Variants in PGBD5 observed in about 807,000 individuals in gnomAD.
PGBD5 encodes piggyBac transposable element derived 5.
A neutral mutation model predicts 47.9 loss-of-function variants in PGBD5; 14 were observed. That is an observed-to-expected ratio of 0.29 (90% CI 0.19 to 0.46). The LOEUF (loss-of-function observed/expected upper bound fraction) is 0.46, where lower values mean the gene tolerates loss of function less well. PGBD5 is among the 20% of genes least tolerant of loss of function. The pLI, the probability that PGBD5 is intolerant of heterozygous loss-of-function variation, is 1.00. For missense variants in PGBD5, 635 were observed against 716.0 expected (o/e 0.89, Z 1.29); for synonymous variants, 316 against 306.3 (o/e 1.03, Z -0.33).
chr1:230,373,626 G>A (rs1329794882), intron 1 of PGBD5, among the ~76,000 whole-genome samples: 1 of 152,208 alleles, frequency 6.6e-6, no homozygotes, highest in Non-Finnish European at 1.5e-5. Flanking sequence ...TTTTTAAGGT[G>A]AAATATGACT....
At chr1:230,344,536 C>T (rs754226570) in intron 3 of PGBD5, among the ~76,000 whole-genome samples, 6 of 152,204 alleles carry the variant, frequency 3.9e-5, no homozygotes, top group Non-Finnish European at 7.3e-5. Context: ...GTCATTCTTT[C>T]CTGAACGCCA....
chr1:230,407,316 T>G (rs907606342), intron 1 of PGBD5, among the ~76,000 whole-genome samples: 6 of 152,242 alleles, frequency 3.9e-5, no homozygotes, highest in Non-Finnish European at 7.3e-5. Context: ...ATGATTATCA[T>G]GAACAAATTA....
At chr1:230,399,995 T>TA (rs925027983) in intron 1 of PGBD5, among the ~76,000 whole-genome samples, 8 of 152,236 alleles carry the variant, frequency 5.3e-5, no homozygotes, top group African/African-American at 1.9e-4. Context: ...CTTTAAAACT[T>TA]ACACAGGGCT....
chr1:230,389,002 A>C (rs1558208049), intron 1 of PGBD5, among the ~76,000 whole-genome samples: 2 of 152,152 alleles, frequency 1.3e-5, no homozygotes. Context: ...CACCAGCCCC[A>C]ATGCCCTGGG....
At chr1:230,340,881 A>G (rs1362905081) in intron 3 of PGBD5, among the ~76,000 whole-genome samples, 1 of 152,126 alleles carries the variant, frequency 6.6e-6, no homozygotes. Context: ...CCTCGTGTCC[A>G]CACATGCACC....
At chr1:230,423,088 C>T (rs757131122) in intron 1 of PGBD5, among the ~76,000 whole-genome samples, 1 of 151,788 alleles carries the variant, frequency 6.6e-6, no homozygotes, top group African/African-American at 2.4e-5. Flanking sequence ...CAGTTACATA[C>T]ACACATTTAC....
intron 4 of PGBD5, 59 bp downstream of exon 4, chr1:230,337,049 C>G: frequency 6.4e-7 from 1 of 1,573,416 alleles, no homozygotes; most frequent in Non-Finnish European, 8.7e-7. Context: ...CTGGACCTCT[C>G]CCACCACTTT....
intron 4 of PGBD5, among the ~76,000 whole-genome samples, chr1:230,334,446 C>T (rs1667270193): frequency 6.6e-6 from 1 of 152,250 alleles, no homozygotes; most frequent in South Asian, 2.1e-4. Context: ...TCCAGCAGCA[C>T]TCAAGTTTCC....
At chr1:230,329,122 T>TGG (rs77950968) in intron 5 of PGBD5, among the ~76,000 whole-genome samples, 1,973 of 150,674 alleles carry the variant, frequency 0.013, 112 homozygotes, top group Admixed American at 0.085. Flanking sequence ...AATTTTTTTT[T>TGG]GGGGGGGGAG....
intron 3 of PGBD5, among the ~76,000 whole-genome samples, chr1:230,349,793 G>A (rs1162929667): frequency 6.6e-6 from 1 of 152,196 alleles, no homozygotes; most frequent in Non-Finnish European, 1.5e-5. Context: ...AAGGAGCTGA[G>A]GCTGCACCTC....
chr1:230,390,895 A>G (rs1656766585), intron 1 of PGBD5, among the ~76,000 whole-genome samples: 1 of 152,132 alleles, frequency 6.6e-6, no homozygotes, highest in Non-Finnish European at 1.5e-5. Flanking sequence ...ACGCACCACC[A>G]CAGCCAGCTA....
chr1:230,401,689 G>C (rs781439298), intron 1 of PGBD5, among the ~76,000 whole-genome samples: 15 of 152,288 alleles, frequency 9.8e-5, no homozygotes, highest in African/African-American at 3.6e-4. Flanking sequence ...TCTGCTGCCC[G>C]GCCTTTCCCC....
chr1:230,370,662 G>T (rs1667914908), intron 1 of PGBD5, among the ~76,000 whole-genome samples: 2 of 152,212 alleles, frequency 1.3e-5, no homozygotes, highest in African/African-American at 4.8e-5. Flanking sequence ...CACAGAACTA[G>T]TAAGTGGTAG....
intron 1 of PGBD5, chr1:230,377,585 T>C (rs1668033567): frequency 6.3e-7 from 1 of 1,593,010 alleles, no homozygotes; most frequent in South Asian, 1.1e-5. Flanking sequence ...CCGAGAGTAC[T>C]TTGCACGAAG....
Position 230,316,161 on chromosome 1 carries a change from T to A in PGBD5, c.*7264A>T, listed in dbSNP as rs1474970741. 1 of 142,600 alleles carries A rather than the reference T, an allele frequency of 7.0e-6. No homozygotes were observed. The highest frequency in any genetic ancestry group is 6.9e-5 in the Admixed American group (1 of 14,500). 8.8% of individuals were successfully genotyped at this position (142,600 alleles called of 1,614,324 possible). A position where few individuals can be genotyped will look rare whatever the true frequency, so the allele number is the denominator to read the frequency against. ...ATGTATATGTGTACACATATATGTA[T>A]GTGTATACATACATACGTACACATG... On this transcript the variant is annotated 3_prime_UTR_variant, in exon 7 of 7. Transcript: ENST00000391860.
chr1:230,399,581 C>T (rs560669245), intron 1 of PGBD5, among the ~76,000 whole-genome samples: 40 of 152,308 alleles, frequency 2.6e-4, no homozygotes, highest in Non-Finnish European at 5.3e-4. Context: ...TCATGGACCA[C>T]GTAGAGCCAG....
At chr1:230,381,561 C>T (rs1656494819) in intron 1 of PGBD5, among the ~76,000 whole-genome samples, 1 of 152,260 alleles carries the variant, frequency 6.6e-6, no homozygotes, top group East Asian at 1.9e-4. Context: ...CCTGAGCAGA[C>T]TCCCTGGCTG....
intron 1 of PGBD5, among the ~76,000 whole-genome samples, chr1:230,364,197 G>A (rs905104982): frequency 2.0e-5 from 3 of 152,228 alleles, no homozygotes; most frequent in Non-Finnish European, 2.9e-5. Context: ...AGGTGCCCGT[G>A]GGGTTGAGTC....
chr1:230,361,702 ATGGACATTT>A (rs976933908), intron 1 of PGBD5, among the ~76,000 whole-genome samples: 9 of 152,352 alleles, frequency 5.9e-5, no homozygotes, highest in African/African-American at 2.2e-4. Context: ...CACTCATTCA[ATGGACATTT>A]GATCCTGAAA....
Sources: gnomAD v4.1 joint callset for allele counts (sites outside exome capture counted in the v4.1 genomes callset) on GRCh38, gnomAD v4.1.1 for gene constraint, MANE v1.5 for transcripts, NCBI Gene and HGNC (gene_info 2026-07-23, HGNC 2026-07-21) for gene names.